The following RGS21 variants were observed in gnomAD, a reference collection of about 807,000 sequenced individuals.
RGS21 encodes regulator of G protein signaling 21.
Under a neutral mutation model 18.7 loss-of-function variants are expected in RGS21, and 19 were observed. The ratio of observed to expected loss-of-function variants is 1.01; its 90% CI spans 0.71 to 1.49. The LOEUF is 1.49. Among genes scored for constraint, RGS21 ranks in the 40% most tolerant of loss-of-function variants. The probability of loss-of-function intolerance (pLI) is 0.00; values close to 1 mark genes in which losing one functional copy is unlikely to be tolerated. For missense variants in RGS21, 194 were observed against 176.8 expected (o/e 1.10, Z -0.55); for synonymous variants, 56 against 57.8 (o/e 0.97, Z 0.14).
At chr1:192,319,821 T>C (rs1338060976) in intron 1 of RGS21, among the ~76,000 whole-genome samples, 1 of 152,120 alleles carries the variant, frequency 6.6e-6, no homozygotes, top group African/African-American at 2.4e-5. Flanking sequence ...TCTATGTGCC[T>C]GCCATTAGAC....
rs748319266 is a variant in RGS21, at chr1:192,352,094, G to A, written c.136G>A (p.Glu46Lys). 6.2e-7 allele frequency: 1 copy of A among 1,605,260 alleles called. No homozygotes were observed. Among genetic ancestry groups the A allele is most frequent in the South Asian group, 1.1e-5 (1 of 89,560 alleles). Residue 46 changes from glutamate (E) to lysine (K), a missense_variant, in exon 4 of 5, where the codon GAA becomes AAA. By Grantham distance (56) the Glu-to-Lys change is moderately conservative. Coordinates refer to ENST00000417209, the MANE Select transcript of RGS21 (RefSeq NM_001039152.3). ...RIFLKSEFSEENVEFWLACED... is the reference protein window; with the variant it reads ...RIFLKSEFSEKNVEFWLACED... ...ATTTCTAAAATCAGAGTTTAGTGAA[G>A]AAAATGTTGAGTTCTGGCTTGCCTG...
At chr1:192,350,267 C>A (rs999927238) in intron 3 of RGS21, among the ~76,000 whole-genome samples, 19 of 152,150 alleles carry the variant, frequency 1.2e-4, no homozygotes, top group Non-Finnish European at 1.9e-4. Flanking sequence ...TTAAAAAAAT[C>A]TGTTAAATCT....
In RGS21 at chr1:192,317,031, A is replaced by AT. The variant is rs1316464049; in HGVS notation, c.-131dup. 6.6e-6 allele frequency: 1 copy of AT among 151,898 alleles called. No homozygotes were observed. The highest frequency in any genetic ancestry group is 1.5e-5 in the Non-Finnish European group (1 of 67,832). 9.4% of individuals were successfully genotyped at this position (151,898 alleles called of 1,614,324 possible). A position where few individuals can be genotyped will look rare whatever the true frequency, so the allele number is the denominator to read the frequency against. ...AACAATTCATCTGAAAGAAGCACAG[A>AT]TTTTCTCATCTATCCTGTCAACAAA... On this transcript the variant is annotated 5_prime_UTR_variant, in exon 1 of 5. Transcript: ENST00000417209.
intron 1 of RGS21, among the ~76,000 whole-genome samples, chr1:192,334,229 A>T (rs916216029): frequency 1.3e-5 from 2 of 152,150 alleles, no homozygotes; most frequent in Non-Finnish European, 2.9e-5. Context: ...TCCAGCAGTT[A>T]TTAATTTAAA....
intron 1 of RGS21, among the ~76,000 whole-genome samples, chr1:192,325,317 T>C (rs1658554710): frequency 6.6e-6 from 1 of 152,124 alleles, no homozygotes; most frequent in Admixed American, 6.6e-5. Flanking sequence ...TTTTGTTTTA[T>C]AGCTGTGGAG....
At chr1:192,340,311 T>C (rs995749167) in intron 1 of RGS21, among the ~76,000 whole-genome samples, 1 of 152,126 alleles carries the variant, frequency 6.6e-6, no homozygotes, top group African/African-American at 2.4e-5. Context: ...AATAAACCTA[T>C]GTAAGATGTG....
chr1:192,342,561 G>A (rs950660236), intron 1 of RGS21, among the ~76,000 whole-genome samples: 1 of 151,790 alleles, frequency 6.6e-6, no homozygotes, highest in African/African-American at 2.4e-5. Flanking sequence ...TAAAGGTAGA[G>A]CCCTCCTCAG....
At chr1:192,351,964 C>T (rs1451410415) in intron 3 of RGS21, 83 bp from the exon 4 acceptor site, 7 of 695,572 alleles carry the variant, frequency 1.0e-5, no homozygotes, top group Non-Finnish European at 1.6e-5. Flanking sequence ...CCAGTAAATG[C>T]TCATATTATA....
chr1:192,328,595 T>G (rs1479722930), intron 1 of RGS21, among the ~76,000 whole-genome samples: 2 of 152,170 alleles, frequency 1.3e-5, no homozygotes, highest in Admixed American at 6.5e-5. Context: ...TGAAAAAGTT[T>G]AGAGAAATAG....
chr1:192,341,367 A>G (rs559922841), intron 1 of RGS21, among the ~76,000 whole-genome samples: 9 of 152,184 alleles, frequency 5.9e-5, no homozygotes, highest in African/African-American at 2.2e-4. Context: ...TACACTGTGC[A>G]TAAGTTCTGA....
At chr1:192,348,386 T>C (rs568083256) in intron 3 of RGS21, among the ~76,000 whole-genome samples, 8 of 152,268 alleles carry the variant, frequency 5.3e-5, no homozygotes, top group Non-Finnish European at 7.4e-5. Flanking sequence ...ATACAAACTG[T>C]TGAAAATTTT....
intron 4 of RGS21, among the ~76,000 whole-genome samples, chr1:192,352,507 C>T (rs533970875): frequency 7.2e-5 from 11 of 151,920 alleles, no homozygotes; most frequent in Non-Finnish European, 1.3e-4. Context: ...CTAAAATCAA[C>T]CCAATATAAA....
At position 192,321,451 on chromosome 1, in the gene RGS21, G is replaced by A. The variant is rs17413361; in HGVS notation, c.-61+4346G>A. Among the ~76,000 whole-genome samples the A allele has an allele frequency of 4.6e-3, 693 of 151,732 alleles. 5 individuals carry two copies. The highest frequency in any genetic ancestry group is 6.1e-3 in the Non-Finnish European group (411 of 67,814). On this transcript the variant is annotated intron_variant, in intron 1 of 4. Coordinates refer to ENST00000417209, the MANE Select transcript of RGS21 (RefSeq NM_001039152.3). ...ACTGGTGGAAAGTTTTATAACTCAGGGATTTTCTAATCCCCAGGCATATTG... is the reference window on the plus strand; with the variant it reads ...ACTGGTGGAAAGTTTTATAACTCAGAGATTTTCTAATCCCCAGGCATATTG...
Position 192,366,063 on chromosome 1 carries a change from A to AT in RGS21, c.399dup (p.Lys134Ter). 1 of 1,612,022 alleles carries AT rather than the reference A, an allele frequency of 6.2e-7. No homozygotes were observed. Among genetic ancestry groups the AT allele is most frequent in the Non-Finnish European group, 8.5e-7 (1 of 1,178,834 alleles). ...CCTCGATTTCTGAAGTCAGAGATTT[A>AT]TAAAAAACTGGTAAATAGCCAACAG... On this transcript the variant is annotated frameshift_variant, in exon 5 of 5. Coordinates refer to ENST00000417209, the MANE Select transcript of RGS21 (RefSeq NM_001039152.3). LOFTEE classifies it high-confidence loss of function.
intron 1 of RGS21, among the ~76,000 whole-genome samples, chr1:192,324,156 G>A (rs893060043): frequency 7.8e-6 from 1 of 127,868 alleles, no homozygotes; most frequent in Non-Finnish European, 1.6e-5. Flanking sequence ...CATAAAAACA[G>A]CATAAAGAGT....
intron 1 of RGS21, among the ~76,000 whole-genome samples, chr1:192,341,644 T>C (rs1658863656): frequency 1.3e-5 from 2 of 152,072 alleles, no homozygotes; most frequent in South Asian, 4.1e-4. Context: ...GAAGGATTTA[T>C]GAGAAAAAGC....
intron 2 of RGS21, among the ~76,000 whole-genome samples, chr1:192,344,650 C>A (rs1442574689): frequency 1.3e-5 from 2 of 152,084 alleles, no homozygotes; most frequent in Non-Finnish European, 2.9e-5. Context: ...ATTTAACTGG[C>A]AACAAACAAG....
At chr1:192,347,041 G>A (rs1658956598) in intron 2 of RGS21, among the ~76,000 whole-genome samples, 1 of 152,022 alleles carries the variant, frequency 6.6e-6, no homozygotes, top group South Asian at 2.1e-4. Context: ...CCACAGAACC[G>A]ATATCTTTTA....
At chr1:192,357,567 A>C (rs954897807) in intron 4 of RGS21, among the ~76,000 whole-genome samples, 6 of 151,892 alleles carry the variant, frequency 4.0e-5, no homozygotes, top group Admixed American at 1.3e-4. Context: ...AAGGTGAAAA[A>C]CTGAGGCTTA....
Sources: allele counts gnomAD v4.1 joint callset (sites outside exome capture counted in the v4.1 genomes callset), GRCh38; gene constraint gnomAD v4.1.1; transcripts MANE v1.5; gene names NCBI Gene and HGNC (gene_info 2026-07-23, HGNC 2026-07-21).